Variants in NEK3 observed in about 807,000 individuals in gnomAD.
The protein encoded by NEK3 is NIMA related kinase 3, also known as serine/threonine-protein kinase Nek3.
In NEK3, 54 loss-of-function variants were observed where a neutral mutation model predicts 66.0. The ratio of observed to expected loss-of-function variants is 0.82; its 90% confidence interval spans 0.66 to 1.03. NEK3 has a LOEUF of 1.03. Ranked by LOEUF, NEK3 falls within the 50% of genes least tolerant of loss-of-function variation. The pLI, the probability that NEK3 is intolerant of heterozygous loss-of-function variation, is 0.00. For missense variants in NEK3, 593 were observed against 603.0 expected (o/e 0.98, Z 0.17); for synonymous variants, 200 against 206.2 (o/e 0.97, Z 0.26).
rs1249137760 is a variant in NEK3, at chr13:52,153,916, TC to T, written c.287del (p.Gly96GlufsTer8). The T allele has an allele frequency of 6.2e-7, 1 of 1,611,716 alleles. No individual in the cohort carries two copies. Among genetic ancestry groups the T allele is most frequent in the Non-Finnish European group, 8.5e-7 (1 of 1,178,146 alleles). ...DLMQKIKQQK[G>X]KLFPEDMILN... ...TTACCATGTCTTCAGGAAATAACTTTCCTTTCTGCTGTTTAATCTTTTGCAT... is the reference window on the plus strand; with the variant it reads ...TTACCATGTCTTCAGGAAATAACTTTCTTTCTGCTGTTTAATCTTTTGCAT... On this transcript the variant is annotated frameshift_variant, in exon 4 of 16. Transcript: ENST00000610828. LOFTEE classifies it high-confidence loss of function.
rs754212052 is a variant in NEK3, at chr13:52,136,162, T to C, written c.1128A>G (p.Glu376=). Residue 376 remains glutamate (E), a synonymous_variant, in exon 13 of 16, where the codon GAA becomes GAG. Transcript: ENST00000610828. ...NVPNTALTAL[E]NASILTSSLT... is the part of the protein sequence containing the mutation. ...AACTGGAGGTGAGTATGGATGCATT[T>C]TCCAAAGCTGTAAGAGCTGTATTGG... The C allele has an allele frequency of 3.1e-6, 5 of 1,613,796 alleles. No individual in the cohort carries two copies. The South Asian group carries it at 5.5e-5, about 18-fold the overall frequency.
At chr13:52,155,678 C>T (rs180923458) in intron 2 of NEK3, among the ~76,000 whole-genome samples, 1 of 142,396 alleles carries the variant, frequency 7.0e-6, no homozygotes, top group Non-Finnish European at 1.6e-5. Context: ...AACTCAAAAA[C>T]TTATTATTTA....
rs1054748947 is a variant in NEK3 at position 52,132,848 on chromosome 13, A to G, written c.*294T>C. On this transcript the variant is annotated 3_prime_UTR_variant, in exon 16 of 16. Transcript: ENST00000610828. ...TGAAGAGGTTAAGTAATTTCCCACAATCACACAAGTAGGTAGTGGCACGCT... is the reference window on the plus strand; with the variant it reads ...TGAAGAGGTTAAGTAATTTCCCACAGTCACACAAGTAGGTAGTGGCACGCT... 16 of 301,296 alleles carry G rather than the reference A, an allele frequency of 5.3e-5. No individual in the cohort carries two copies. Among genetic ancestry groups the G allele is most frequent in the Middle Eastern group, 1.9e-3 (2 of 1,060 alleles). 18.7% of individuals were successfully genotyped at this position (301,296 alleles called of 1,614,324 possible). A position where few individuals can be genotyped will look rare whatever the true frequency, so the allele number is the denominator to read the frequency against.
At chr13:52,145,764 T>C (rs1489576752) in intron 8 of NEK3, among the ~76,000 whole-genome samples, 1 of 152,168 alleles carries the variant, frequency 6.6e-6, no homozygotes, top group African/African-American at 2.4e-5. Flanking sequence ...AATAAATATA[T>C]CAGAACTAAC....
intron 10 of NEK3, 112 bp from the exon 11 acceptor site, chr13:52,141,181 A>G (rs952483860): frequency 2.4e-6 from 2 of 848,956 alleles, no homozygotes; most frequent in African/African-American, 3.4e-5. Context: ...TATTAAAGTC[A>G]AAGAGCCAAA....
At chr13:52,136,089 A>G (rs1386189674) in intron 13 of NEK3, 27 bp downstream of exon 13, 4 of 1,611,508 alleles carry the variant, frequency 2.5e-6, no homozygotes, top group Admixed American at 1.7e-5. Context: ...CTCTAATAAA[A>G]TAATAGTATT....
chr13:52,134,635 A>G (rs1057315461), intron 14 of NEK3, among the ~76,000 whole-genome samples: 2 of 152,254 alleles, frequency 1.3e-5, no homozygotes, highest in Non-Finnish European at 2.9e-5. Context: ...ATTTCAAAAT[A>G]GCACTATGAC....
At chr13:52,154,053 C>T (rs1233788960) in intron 3 of NEK3, 27 bp downstream of exon 3, 5 of 1,596,722 alleles carry the variant, frequency 3.1e-6, no homozygotes, top group Non-Finnish European at 3.4e-6. Flanking sequence ...TTCAGAAATG[C>T]ACATATCTGG....
At chr13:52,158,998 GA>G (rs202188441) in intron 1 of NEK3, among the ~76,000 whole-genome samples, 2,353 of 152,132 alleles carry the variant, frequency 0.015, 71 homozygotes, top group Admixed American at 0.08. Context: ...GGGAACCAAC[GA>G]AGCCGCCCCG....
intron 2 of NEK3, 145 bp from the exon 3 acceptor site, chr13:52,154,318 G>T (rs1007075415): frequency 5.6e-6 from 3 of 537,868 alleles, no homozygotes; most frequent in African/African-American, 3.8e-5. Flanking sequence ...CAAATGACAA[G>T]AGAAAATGCA....
At chr13:52,151,524 A>G (rs1956346487) in intron 5 of NEK3, 132 bp from the exon 6 acceptor site, 2 of 733,292 alleles carry the variant, frequency 2.7e-6, no homozygotes, top group South Asian at 3.5e-5. Flanking sequence ...AGAGTGGAAC[A>G]CAAAACACCA....
intron 8 of NEK3, among the ~76,000 whole-genome samples, chr13:52,147,825 C>G (rs1270795100): frequency 6.6e-6 from 1 of 152,002 alleles, no homozygotes; most frequent in Non-Finnish European, 1.5e-5. Context: ...AAAAATGTCT[C>G]TAGTAAAAAT....
chr13:52,134,840 C>CA (rs764018813), intron 14 of NEK3, among the ~76,000 whole-genome samples: 33 of 152,176 alleles, frequency 2.2e-4, no homozygotes, highest in Non-Finnish European at 3.8e-4. Flanking sequence ...GCATGTATCA[C>CA]AGGGCACTAT....
At chr13:52,152,515 T>C (rs1003823431) in intron 5 of NEK3, 94 bp downstream of exon 5, 2 of 676,896 alleles carry the variant, frequency 3.0e-6, no homozygotes, top group Non-Finnish European at 4.8e-6. Flanking sequence ...ATTTCTAAAC[T>C]AAACAAAACT....
chr13:52,136,160 T>C lies in NEK3; in HGVS notation c.1130A>G (p.Asn377Ser). 6.2e-7 allele frequency: 1 copy of C among 1,613,796 alleles called. No homozygotes were observed. Among genetic ancestry groups the C allele is most frequent in the Non-Finnish European group, 8.5e-7 (1 of 1,179,722 alleles). The change falls in exon 13 of 16, where the codon AAT becomes AGT. Residue 377 changes from asparagine to serine, a missense_variant. Coordinates refer to ENST00000610828, the MANE Select transcript of NEK3 (RefSeq NM_002498.3). ...TAAACTGGAGGTGAGTATGGATGCATTTTCCAAAGCTGTAAGAGCTGTATT... is the reference window on the plus strand; with the variant it reads ...TAAACTGGAGGTGAGTATGGATGCACTTTCCAAAGCTGTAAGAGCTGTATT... ...VPNTALTALE[N>S]ASILTSSLTA...
chr13:52,153,125 G>C (rs1369234810), intron 4 of NEK3, among the ~76,000 whole-genome samples: 1 of 151,924 alleles, frequency 6.6e-6, no homozygotes, highest in East Asian at 1.9e-4. Flanking sequence ...ATAATCCTTT[G>C]AGGTCAATAG....
rs1594019732 is a variant in NEK3, at chr13:52,133,948, C to T, written c.1310-133G>A. On this transcript the variant is annotated intron_variant, in intron 14 of 15. Transcript: ENST00000610828. ...TCCCATAACTCTTTTGTAGTGTCTC[C>T]CCACATTACCCAACATGATTGTAGG... The T allele has an allele frequency of 3.7e-6, 3 of 815,186 alleles. No individual in the cohort carries two copies. In the East Asian group the frequency reaches 8.3e-5, roughly 22 times the overall value. 50.5% of individuals were successfully genotyped at this position (815,186 alleles called of 1,614,324 possible).
chr13:52,136,033 G>C, intron 13 of NEK3, 83 bp downstream of exon 13: 4 of 1,546,828 alleles, frequency 2.6e-6, no homozygotes, highest in Non-Finnish European at 3.5e-6. Flanking sequence ...ACCCTTCACA[G>C]ACATTAAAAG....
chr13:52,144,923 T>C, intron 8 of NEK3, 32 bp from the exon 9 acceptor site: 3 of 1,445,974 alleles, frequency 2.1e-6, no homozygotes, highest in South Asian at 2.4e-5. Context: ...TACAAGCAGA[T>C]ACAGGGGAAG....
Sources: gnomAD v4.1 joint callset for allele counts (sites outside exome capture counted in the v4.1 genomes callset) on GRCh38, gnomAD v4.1.1 for gene constraint, MANE v1.5 for transcripts, NCBI Gene and HGNC (gene_info 2026-07-23, HGNC 2026-07-21) for gene names.